The following HACD3 variants were observed in gnomAD, a reference collection of about 807,000 sequenced individuals.
HACD3 encodes the protein 3-hydroxyacyl-CoA dehydratase 3.
HACD3 carries 30 observed loss-of-function variants against 55.2 expected under a neutral mutation model. The observed-to-expected ratio is 0.54, with a 90% confidence interval of 0.41 to 0.74. The LOEUF (loss-of-function observed/expected upper bound fraction) is 0.74. Among genes scored for constraint, HACD3 ranks in the 30% least tolerant of loss-of-function variants. The pLI is 0.00. For missense variants in HACD3, 363 were observed against 440.1 expected, an observed-to-expected ratio of 0.82 and a Z score of 1.57; for synonymous variants, 141 against 151.7, an observed-to-expected ratio of 0.93 and a Z score of 0.52.
rs770473810 is a variant in HACD3, at chr15:65,576,352, T to C, written c.1062T>C (p.Tyr354=). Residue 354 remains tyrosine, a synonymous_variant, in exon 11 of 11, where the codon TAT becomes TAC. Transcript: ENST00000261875. ...RHLYKQRRRR[Y]GQKKKKIH ...TTTATAAACAGCGCAGACGGCGCTA[T>C]GGACAAAAAAAGAAAAAGATCCACT... 3.1e-6 allele frequency: 5 copies of C among 1,602,680 alleles called. No individual in the cohort carries two copies. In the African/African-American group the frequency reaches 4.0e-5, roughly 13 times the overall value.
At chr15:65,565,277 T>C (rs1044271030) in intron 7 of HACD3, 1 of 152,594 alleles carries the variant, frequency 6.6e-6, no homozygotes, top group Non-Finnish European at 1.5e-5. Context: ...TCTACCACTT[T>C]GGGGTCTGGA....
intron 2 of HACD3, chr15:65,553,157 A>G (rs1380220252): frequency 6.6e-6 from 1 of 152,066 alleles, no homozygotes; most frequent in African/African-American, 2.4e-5. Context: ...TATCATTCCA[A>G]TTTTAGTATA....
intron 8 of HACD3, among the ~76,000 whole-genome samples, chr15:65,570,963 A>G (rs1168448166): frequency 6.6e-6 from 1 of 152,190 alleles, no homozygotes; most frequent in Non-Finnish European, 1.5e-5. Context: ...TATAGGTCCT[A>G]TGTTTTTCAA....
chr15:65,574,825 A>G (rs1196083825), intron 10 of HACD3, among the ~76,000 whole-genome samples: 1 of 152,252 alleles, frequency 6.6e-6, no homozygotes, highest in Non-Finnish European at 1.5e-5. Context: ...AGTTCAGAAA[A>G]TGTACTAATT....
At position 65,535,672 on chromosome 15, in the gene HACD3, C is replaced by G. The variant is rs1017579508; in HGVS notation, c.87+4954C>G. On this transcript the variant is annotated intron_variant, in intron 1 of 10. Coordinates refer to ENST00000261875, the MANE Select transcript of HACD3 (RefSeq NM_016395.4). ...TTATTATTATATCTGTTCTGGTGAT[C>G]TGTGATCAGTGATCTTTGATGTTAA... The G allele has an allele frequency of 1.6e-5, 7 of 425,996 alleles. No individual in the cohort carries two copies. The Admixed American group carries it at 1.7e-4, about 10-fold the overall frequency. 26.4% of individuals were successfully genotyped at this position (425,996 alleles called of 1,614,324 possible). A position where few individuals can be genotyped will look rare whatever the true frequency, so the allele number is the denominator to read the frequency against.
chr15:65,558,634 G>T, intron 4 of HACD3, 46 bp from the exon 5 acceptor site: 1 of 1,540,874 alleles, frequency 6.5e-7, no homozygotes. Context: ...GCAAGCATCT[G>T]GGAATTCTAA....
intron 3 of HACD3, among the ~76,000 whole-genome samples, chr15:65,555,636 G>T (rs1200828743): frequency 1.3e-5 from 2 of 152,214 alleles, no homozygotes; most frequent in Non-Finnish European, 2.9e-5. Flanking sequence ...ACAGTGGGCA[G>T]AGAACCTGTC....
At chr15:65,532,698 T>C (rs978445765) in intron 1 of HACD3, among the ~76,000 whole-genome samples, 16 of 151,964 alleles carry the variant, frequency 1.1e-4, no homozygotes, top group African/African-American at 3.9e-4. Context: ...TTTTCCCCCT[T>C]ATTGAGTTTT....
intron 1 of HACD3, among the ~76,000 whole-genome samples, chr15:65,538,675 C>T (rs1360141175): frequency 6.6e-6 from 1 of 152,166 alleles, no homozygotes; most frequent in Non-Finnish European, 1.5e-5. Flanking sequence ...AGAAATTATT[C>T]TCTGGGTAAA....
chr15:65,562,889 G>C lies in HACD3; in HGVS notation c.532+5G>C. Reference sequence around the variant, plus strand: ...GATTCTGTATCTTGGGAAAAGGCAAGTAAGACATTTTTGGATTAATTTTCC... The same window carrying C: ...GATTCTGTATCTTGGGAAAAGGCAACTAAGACATTTTTGGATTAATTTTCC... On this transcript the variant is annotated splice_donor_5th_base_variant and intron_variant, in intron 6 of 10. Transcript: ENST00000261875. 1 of 1,613,618 alleles carries C rather than the reference G, an allele frequency of 6.2e-7. No individual in the cohort carries two copies. The highest frequency in any genetic ancestry group is 1.1e-5 in the South Asian group (1 of 90,992).
intron 7 of HACD3, among the ~76,000 whole-genome samples, chr15:65,568,300 G>A (rs1253908326): frequency 6.6e-6 from 1 of 151,814 alleles, no homozygotes; most frequent in African/African-American, 2.4e-5. Context: ...ACATAATGAA[G>A]GTATTTGATA....
intron 1 of HACD3, 106 bp from the exon 2 acceptor site, chr15:65,551,570 A>T: frequency 8.2e-7 from 1 of 1,219,816 alleles, no homozygotes. Flanking sequence ...ACAGAGTAGG[A>T]GTTTGAGTCC....
intron 10 of HACD3, among the ~76,000 whole-genome samples, chr15:65,573,763 T>C (rs1405672947): frequency 6.6e-6 from 1 of 152,160 alleles, no homozygotes. Context: ...GAAAAATAAT[T>C]TTTTCCTTTT....
chr15:65,553,752 A>G (rs996236058), intron 2 of HACD3, among the ~76,000 whole-genome samples: 1 of 152,246 alleles, frequency 6.6e-6, no homozygotes, highest in African/African-American at 2.4e-5. Context: ...TGCTACCTGT[A>G]GCGAATATTA....
At chr15:65,547,203 G>A (rs942499384) in intron 1 of HACD3, among the ~76,000 whole-genome samples, 1 of 151,680 alleles carries the variant, frequency 6.6e-6, no homozygotes, top group African/African-American at 2.4e-5. Context: ...TGCAACCTCC[G>A]CCTCCTGGGT....
At chr15:65,575,529 G>A (rs1161800325) in intron 10 of HACD3, among the ~76,000 whole-genome samples, 2 of 152,016 alleles carry the variant, frequency 1.3e-5, no homozygotes, top group African/African-American at 4.8e-5. Context: ...GGTTGTTTCT[G>A]CACTTTAGAT....
rs765935739 is a variant in HACD3, at chr15:65,576,338, C to T, written c.1048C>T (p.Arg350Cys). 9.4e-6 allele frequency: 15 copies of T among 1,602,644 alleles called. No homozygotes were observed. Among genetic ancestry groups the T allele is most frequent in the East Asian group, 4.5e-5 (2 of 44,782 alleles). ...YINFRHLYKQ[R>C]RRRYGQKKKK... ...AAATTTTCGTCACCTTTATAAACAGCGCAGACGGCGCTATGGACAAAAAAA... is the reference window on the plus strand; with the variant it reads ...AAATTTTCGTCACCTTTATAAACAGTGCAGACGGCGCTATGGACAAAAAAA... The change falls in exon 11 of 11, where the codon CGC becomes TGC. Residue 350 changes from arginine to cysteine, a missense_variant. By Grantham distance (180) the Arg-to-Cys change is radical. Transcript: ENST00000261875.
intron 1 of HACD3, among the ~76,000 whole-genome samples, chr15:65,542,591 C>T (rs1410897255): frequency 1.3e-5 from 2 of 151,978 alleles, no homozygotes; most frequent in Non-Finnish European, 2.9e-5. Context: ...AATATATTTG[C>T]AAATTTTTGC....
At chr15:65,553,616 C>G (rs62013110) in intron 2 of HACD3, among the ~76,000 whole-genome samples, 40 of 152,114 alleles carry the variant, frequency 2.6e-4, no homozygotes, top group South Asian at 2.1e-4. Context: ...GAGTAGTCAC[C>G]ACTCAGCTCA....
Sources: gnomAD v4.1 joint callset for allele counts (sites outside exome capture counted in the v4.1 genomes callset) on GRCh38, gnomAD v4.1.1 for gene constraint, MANE v1.5 for transcripts, NCBI Gene and HGNC (gene_info 2026-07-23, HGNC 2026-07-21) for gene names.